Variants in ASPH observed in about 807,000 individuals in gnomAD.
The protein encoded by ASPH is aspartate beta-hydroxylase.
ASPH carries 100 observed loss-of-function variants against 118.4 expected under a neutral mutation model. That is an observed-to-expected ratio of 0.84 (90% CI 0.72 to 1.00). ASPH has a LOEUF of 1.00. Ranked by LOEUF, ASPH falls within the 50% of genes least tolerant of loss-of-function variation. The pLI is 0.00. For missense variants in ASPH, 920 were observed against 919.5 expected (o/e 1.00, Z -0.01); for synonymous variants, 315 against 325.6 (o/e 0.97, Z 0.35).
intron 14 of ASPH, among the ~76,000 whole-genome samples, chr8:61,594,278 A>G (rs1841963363): frequency 6.6e-6 from 1 of 152,256 alleles, no homozygotes; most frequent in African/African-American, 2.4e-5. Context: ...GCTTTAGAAA[A>G]TATCACCCGA....
intron 24 of ASPH, among the ~76,000 whole-genome samples, chr8:61,510,238 T>C (rs1412173450): frequency 2.0e-5 from 3 of 152,222 alleles, no homozygotes; most frequent in Admixed American, 6.5e-5. Context: ...GATGGGGATA[T>C]TGAGGCTTAA....
Position 61,665,200 on chromosome 8 carries a change from C to A in ASPH, c.323-11540G>T, listed in dbSNP as rs754813101. 23 of 1,521,546 alleles carry A rather than the reference C, an allele frequency of 1.5e-5. No homozygotes were observed. The South Asian group carries it at 3.1e-4, about 21-fold the overall frequency. The allele number at this position is 1,521,546 out of a possible 1,614,324, so 94.3% of individuals were successfully genotyped here. A position where few individuals can be genotyped will look rare whatever the true frequency, so the allele number is the denominator to read the frequency against. ...TTACATTTTCCATGCTTTTTTGTAA[C>A]AAACTGCAATCTGGAACATGACCAT... On this transcript the variant is annotated intron_variant, in intron 3 of 24. Coordinates refer to ENST00000379454, the MANE Select transcript of ASPH (RefSeq NM_004318.4).
At chr8:61,599,262 T>C (rs1356529117) in intron 14 of ASPH, among the ~76,000 whole-genome samples, 1 of 151,874 alleles carries the variant, frequency 6.6e-6, no homozygotes, top group Non-Finnish European at 1.5e-5. Flanking sequence ...TAGATGGGAA[T>C]TGAACAATGA....
chr8:61,659,608 C>T (rs922989224), intron 3 of ASPH: 3 of 152,124 alleles, frequency 2.0e-5, no homozygotes, highest in Admixed American at 6.5e-5. Context: ...TAGGTAAAAA[C>T]GATAGCCAAG....
chr8:61,638,854 C>T (rs867188390), intron 10 of ASPH, among the ~76,000 whole-genome samples: 1 of 152,154 alleles, frequency 6.6e-6, no homozygotes, highest in Admixed American at 6.5e-5. Context: ...CTCTGCTCTG[C>T]TGCAAGGAAG....
In ASPH at chr8:61,561,539, A is replaced by G. The variant is rs1039640222; in HGVS notation, c.1437+1205T>C. ...ATTCAATGATTTTCATTACACAATA[A>G]TAGCAATACACAGAGGAAAGTACCG... On this transcript the variant is annotated intron_variant, in intron 18 of 24. Transcript: ENST00000379454. 2.0e-5 allele frequency among the ~76,000 whole-genome samples: 3 copies of G among 152,250 alleles called. No homozygotes were observed. The South Asian group carries it at 6.2e-4, about 32-fold the overall frequency.
intron 21 of ASPH, among the ~76,000 whole-genome samples, chr8:61,544,231 C>T (rs973827688): frequency 6.6e-6 from 1 of 152,150 alleles, no homozygotes; most frequent in Non-Finnish European, 1.5e-5. Context: ...AGGTTCAGCA[C>T]TTTTTCCTTC....
intron 13 of ASPH, among the ~76,000 whole-genome samples, chr8:61,628,563 A>T (rs748509874): frequency 2.2e-4 from 33 of 152,034 alleles, no homozygotes; most frequent in Admixed American, 1.3e-4. Flanking sequence ...GCATGCTGTC[A>T]TGGCCTTTGT....
At chr8:61,571,233 C>T (rs184546652) in intron 16 of ASPH, among the ~76,000 whole-genome samples, 1 of 152,124 alleles carries the variant, frequency 6.6e-6, no homozygotes, top group Admixed American at 6.6e-5. Context: ...AGCAATAACA[C>T]ATTGAAGCAT....
At chr8:61,678,053 G>C (rs558318245) in intron 3 of ASPH, among the ~76,000 whole-genome samples, 1 of 152,184 alleles carries the variant, frequency 6.6e-6, no homozygotes, top group East Asian at 1.9e-4. Flanking sequence ...AATGCCTTTG[G>C]CTTGGCAAGA....
At chr8:61,673,747 G>T (rs1224712100) in intron 3 of ASPH, among the ~76,000 whole-genome samples, 1 of 152,086 alleles carries the variant, frequency 6.6e-6, no homozygotes, top group Non-Finnish European at 1.5e-5. Flanking sequence ...AAGTAATTTT[G>T]ATCAGCTTTG....
intron 1 of ASPH, 141 bp from the exon 2 acceptor site, chr8:61,684,329 C>G: frequency 1.2e-6 from 1 of 847,962 alleles, no homozygotes; most frequent in Non-Finnish European, 1.7e-6. Context: ...ATTCTCAAAA[C>G]ACGTCACACA....
Position 61,714,518 on chromosome 8 carries a change from G to T in ASPH, c.-147C>A. On this transcript the variant is annotated 5_prime_UTR_variant, in exon 1 of 25. Transcript: ENST00000379454. ...GCAGCAGACCCTGTGCCTCAGCACC[G>T]CCTGCAGCACCTGGGAAGACTTCAC... is the stretch of plus-strand genomic sequence containing the variant. The T allele has an allele frequency of 8.4e-7, 1 of 1,188,714 alleles. No individual in the cohort carries two copies. Among genetic ancestry groups the T allele is most frequent in the Non-Finnish European group, 1.1e-6 (1 of 922,228 alleles). 73.6% of individuals were successfully genotyped at this position (1,188,714 alleles called of 1,614,324 possible).
chr8:61,623,527 CAGA>C (rs1442610361), intron 13 of ASPH, among the ~76,000 whole-genome samples: 6 of 152,112 alleles, frequency 3.9e-5, no homozygotes, highest in Non-Finnish European at 8.8e-5. Flanking sequence ...CTTTGCTGTA[CAGA>C]AGCTTTGTAA....
At chr8:61,596,380 C>T (rs1439626233) in intron 14 of ASPH, among the ~76,000 whole-genome samples, 1 of 152,248 alleles carries the variant, frequency 6.6e-6, no homozygotes, top group Non-Finnish European at 1.5e-5. Flanking sequence ...CAATACCACA[C>T]ATGCTGCCTA....
chr8:61,658,608 G>A (rs1208638483), intron 3 of ASPH: 2 of 152,100 alleles, frequency 1.3e-5, no homozygotes, highest in Non-Finnish European at 2.9e-5. Context: ...GGACCCCTAA[G>A]AAGGGCTTTA....
At chr8:61,704,194 C>A (rs1835951853) in intron 1 of ASPH, among the ~76,000 whole-genome samples, 1 of 40,446 alleles carries the variant, frequency 2.5e-5, no homozygotes, top group Non-Finnish European at 4.1e-5. Flanking sequence ...GACTCCGTCT[C>A]AAAAAAAAAA....
chr8:61,630,520 T>C (rs967255736), intron 13 of ASPH, among the ~76,000 whole-genome samples: 3 of 152,144 alleles, frequency 2.0e-5, no homozygotes, highest in African/African-American at 7.2e-5. Flanking sequence ...AATACGGCCA[T>C]GTGTCATGTA....
At chr8:61,576,680 TAGAA>T in intron 16 of ASPH, 88 bp downstream of exon 16, 4 of 1,106,318 alleles carry the variant, frequency 3.6e-6, no homozygotes, top group Non-Finnish European at 5.2e-6. Flanking sequence ...GTAGAGAAAT[TAGAA>T]AGGGAAAATA....
Sources: allele counts gnomAD v4.1 joint callset (sites outside exome capture counted in the v4.1 genomes callset), GRCh38; gene constraint gnomAD v4.1.1; transcripts MANE v1.5; gene names NCBI Gene and HGNC (gene_info 2026-07-23, HGNC 2026-07-21).